The following KIRREL1 variants were observed in gnomAD, a reference collection of about 807,000 sequenced individuals.
KIRREL1 encodes kin of IRRE-like protein 1.
In KIRREL1, 25 loss-of-function variants were observed where a neutral mutation model predicts 83.3. The ratio of observed to expected loss-of-function variants is 0.30; its 90% CI spans 0.22 to 0.42. KIRREL1 has a LOEUF of 0.42. Ranked by LOEUF, KIRREL1 falls within the 10% of genes least tolerant of loss-of-function variation. KIRREL1 has a pLI of 1.00. For missense variants in KIRREL1, 812 were observed against 1,032.3 expected (o/e 0.79, Z 2.92); for synonymous variants, 388 against 410.4 (o/e 0.95, Z 0.66).
At position 158,023,834 on chromosome 1, in the gene KIRREL1, C is replaced by A. The variant is rs533507789; in HGVS notation, c.52+30106C>A. 2.0e-5 allele frequency among the ~76,000 whole-genome samples: 3 copies of A among 152,248 alleles called. No homozygotes were observed. In the South Asian group the frequency reaches 6.2e-4, roughly 32 times the overall value. On this transcript the variant is annotated intron_variant, in intron 1 of 14. Transcript: ENST00000359209. ...AACTGTTTGGAAAGTGGAAAGAAAA[C>A]GTTAAGTTATTGTGCTGCGAAAGGT...
At chr1:158,026,648 T>C (rs1473382292) in intron 1 of KIRREL1, among the ~76,000 whole-genome samples, 1 of 152,196 alleles carries the variant, frequency 6.6e-6, no homozygotes, top group African/African-American at 2.4e-5. Flanking sequence ...TTACTTTATG[T>C]GATCTTCCCA....
Position 158,089,491 on chromosome 1 carries a change from T to C in KIRREL1, c.1045-11T>C, listed in dbSNP as rs763865743. 1.1e-5 allele frequency: 17 copies of C among 1,613,918 alleles called. No individual in the cohort carries two copies. The highest frequency in any genetic ancestry group is 1.4e-5 in the Non-Finnish European group (17 of 1,180,004). On this transcript the variant is annotated splice_polypyrimidine_tract_variant and intron_variant, in intron 8 of 14. Transcript: ENST00000359209. The stretch of plus-strand genomic sequence containing the variant: ...CCTGGCTCCCCACCCGAGGCTGCTC[T>C]CTCTGCCCAGGTCCTGAGTAACAGC...
chr1:158,096,655 C>G lies in KIRREL1; in HGVS notation c.*1535C>G, dbSNP rs770360444. 7.0e-5 allele frequency: 32 copies of G among 456,742 alleles called. No individual in the cohort carries two copies. The Admixed American group carries it at 7.5e-4, about 11-fold the overall frequency. The allele number at this position is 456,742 out of a possible 1,614,324, so 28.3% of individuals were successfully genotyped here. ...CAGGCCATTTCTCCTCCTCCATGTG[C>G]ACGCACATCCAACACACACCTTCCA... is the stretch of plus-strand genomic sequence containing the variant. On this transcript the variant is annotated 3_prime_UTR_variant, in exon 15 of 15. Transcript: ENST00000359209.
chr1:158,095,436 A>C lies in KIRREL1; in HGVS notation c.*316A>C. The C allele has an allele frequency of 3.6e-6, 1 of 276,718 alleles. No homozygotes were observed. Among genetic ancestry groups the C allele is most frequent in the Non-Finnish European group, 6.7e-6 (1 of 148,410 alleles). The allele number at this position is 276,718 out of a possible 1,614,324, so 17.1% of individuals were successfully genotyped here. On this transcript the variant is annotated 3_prime_UTR_variant, in exon 15 of 15. Coordinates refer to ENST00000359209, the MANE Select transcript of KIRREL1 (RefSeq NM_018240.7). ...AAAGCAGAGGGGGGCACTTTTTAGC[A>C]TTCCCTTTCTATCCCACCCCTCTGA...
rs542592884 is a variant in KIRREL1 at position 158,057,519 on chromosome 1, T to C, written c.53-18594T>C. 6.6e-5 allele frequency among the ~76,000 whole-genome samples: 10 copies of C among 152,336 alleles called. No individual in the cohort carries two copies. In the South Asian group the frequency reaches 8.3e-4, roughly 13 times the overall value. On this transcript the variant is annotated intron_variant, in intron 1 of 14. Transcript: ENST00000359209. Reference sequence around the variant, plus strand: ...CATGCCACTGAGCTCTTTCCCACCGTCACCTAAAGGCTTGGGAACTGTTTC... The same window carrying C: ...CATGCCACTGAGCTCTTTCCCACCGCCACCTAAAGGCTTGGGAACTGTTTC...
At chr1:158,017,727 A>G (rs1162574261) in intron 1 of KIRREL1, among the ~76,000 whole-genome samples, 2 of 146,612 alleles carry the variant, frequency 1.4e-5, no homozygotes, top group Non-Finnish European at 3.0e-5. Flanking sequence ...AATTTCTGAG[A>G]AAGAAAATAG....
intron 1 of KIRREL1, among the ~76,000 whole-genome samples, chr1:158,041,335 T>G (rs1660621857): frequency 6.6e-6 from 1 of 152,204 alleles, no homozygotes. Flanking sequence ...GGTCCTGGTC[T>G]TGAAGTTATC....
chr1:158,009,755 G>A (rs1659618333), intron 1 of KIRREL1, among the ~76,000 whole-genome samples: 1 of 152,234 alleles, frequency 6.6e-6, no homozygotes, highest in East Asian at 1.9e-4. Context: ...CCAGCTCCAA[G>A]CAAGGCTGAT....
At chr1:158,080,682 C>A (rs1661823592) in intron 3 of KIRREL1, among the ~76,000 whole-genome samples, 1 of 152,138 alleles carries the variant, frequency 6.6e-6, no homozygotes, top group African/African-American at 2.4e-5. Context: ...CGGGGCTCTA[C>A]CCATCCAGGA....
intron 1 of KIRREL1, among the ~76,000 whole-genome samples, chr1:158,050,611 A>G (rs1207759826): frequency 6.6e-6 from 1 of 152,130 alleles, no homozygotes; most frequent in African/African-American, 2.4e-5. Flanking sequence ...CTGCAGTACA[A>G]TGTGTTCAGT....
intron 1 of KIRREL1, among the ~76,000 whole-genome samples, chr1:158,062,352 A>G (rs1422353467): frequency 1.3e-5 from 2 of 152,322 alleles, no homozygotes; most frequent in Non-Finnish European, 2.9e-5. Context: ...GCTCTTAATT[A>G]TGGAGCCTCC....
intron 1 of KIRREL1, among the ~76,000 whole-genome samples, chr1:158,015,400 C>A (rs1201524631): frequency 2.6e-5 from 4 of 152,212 alleles, no homozygotes; most frequent in East Asian, 3.8e-4. Flanking sequence ...ATGTTATCCT[C>A]AGACTAAGCC....
At chr1:158,010,894 GGA>G (rs374462420) in intron 1 of KIRREL1, among the ~76,000 whole-genome samples, 1 of 152,062 alleles carries the variant, frequency 6.6e-6, no homozygotes, top group East Asian at 1.9e-4. Context: ...AGGGAAGGGA[GGA>G]GAGAGAGAGA....
In KIRREL1 at chr1:158,095,150, G is replaced by A. The variant is rs780904506; in HGVS notation, c.*30G>A. The stretch of plus-strand genomic sequence containing the variant: ...CAGAGCCTGGCTGGGGCATCTCTGC[G>A]GGGCAGAGGAGAAGGCTTTCACAGC... On this transcript the variant is annotated 3_prime_UTR_variant, in exon 15 of 15. Transcript: ENST00000359209. 17 of 1,461,162 alleles carry A rather than the reference G, an allele frequency of 1.2e-5. No individual in the cohort carries two copies. Among genetic ancestry groups the A allele is most frequent in the East Asian group, 1.1e-4 (5 of 43,578 alleles). 90.5% of individuals were successfully genotyped at this position (1,461,162 alleles called of 1,614,324 possible).
intron 1 of KIRREL1, among the ~76,000 whole-genome samples, chr1:158,008,499 C>A (rs1198302446): frequency 2.0e-5 from 3 of 152,102 alleles, no homozygotes; most frequent in African/African-American, 4.8e-5. Flanking sequence ...GTTCAGTCAA[C>A]CGTGTGCTGG....
At chr1:158,052,071 T>C (rs1391347907) in intron 1 of KIRREL1, among the ~76,000 whole-genome samples, 1 of 152,226 alleles carries the variant, frequency 6.6e-6, no homozygotes, top group Non-Finnish European at 1.5e-5. Flanking sequence ...TGTTCTGCCT[T>C]ATCACTTCTC....
chr1:158,042,250 T>TGTGA (rs1660650063), intron 1 of KIRREL1, among the ~76,000 whole-genome samples: 1 of 149,062 alleles, frequency 6.7e-6, no homozygotes, highest in Non-Finnish European at 1.5e-5. Flanking sequence ...TGTGTGTGTG[T>TGTGA]GTGACTCAGA....
At chr1:158,069,291 G>C (rs1427777027) in intron 1 of KIRREL1, among the ~76,000 whole-genome samples, 1 of 145,724 alleles carries the variant, frequency 6.9e-6, no homozygotes, top group Admixed American at 7.0e-5. Flanking sequence ...TATAAGAAGT[G>C]TATGACGTAC....
rs112853533 is a variant in KIRREL1, at chr1:158,041,989, A to G, written c.53-34124A>G. ...GAACAAATTGGACCTCAGAAGTTCAAGGGCCTTCACAGGAACTCAGAGAAC... is the reference window on the plus strand; with the variant it reads ...GAACAAATTGGACCTCAGAAGTTCAGGGGCCTTCACAGGAACTCAGAGAAC... On this transcript the variant is annotated intron_variant, in intron 1 of 14. Transcript: ENST00000359209. Among the ~76,000 whole-genome samples the G allele has an allele frequency of 3.0e-3, 450 of 152,278 alleles. 2 individuals carry two copies. Among genetic ancestry groups the G allele is most frequent in the African/African-American group, 0.01 (432 of 41,540 alleles).
Sources: gnomAD v4.1 joint callset for allele counts (sites outside exome capture counted in the v4.1 genomes callset) on GRCh38, gnomAD v4.1.1 for gene constraint, MANE v1.5 for transcripts, NCBI Gene and HGNC (gene_info 2026-07-23, HGNC 2026-07-21) for gene names.